Variants in ZNF469 observed in about 807,000 individuals in gnomAD.
The protein encoded by ZNF469 is zinc finger protein 469.
Under a neutral mutation model 1.0 loss-of-function variants are expected in ZNF469, and 1 was observed. That is an observed-to-expected ratio of 1.00 (90% CI 0.35 to 4.73). The LOEUF (loss-of-function observed/expected upper bound fraction) is 4.73. ZNF469 is among the 30% of genes most tolerant of loss of function. ZNF469 has a pLI of 0.16. For synonymous variants in ZNF469, 2,703 were observed against 2,363.4 expected, an observed-to-expected ratio of 1.14 and a Z score of -4.17; for missense variants, 6,100 against 5,356.3, an observed-to-expected ratio of 1.14 and a Z score of -4.33.
chr16:88,436,202 A>G lies in ZNF469; in HGVS notation c.8732A>G (p.Asp2911Gly). The G allele has an allele frequency of 4.5e-6, 7 of 1,548,254 alleles. No individual in the cohort carries two copies. Among genetic ancestry groups the G allele is most frequent in the Non-Finnish European group, 6.1e-6 (7 of 1,146,844 alleles). ...CTGGGCCCAGCCCGCCTGCCCACGGACCTCAGCGACTCCAGCTCCCTCTGC... is the reference window on the plus strand; with the variant it reads ...CTGGGCCCAGCCCGCCTGCCCACGGGCCTCAGCGACTCCAGCTCCCTCTGC... ...PTLGPARLPTDLSDSSSLCLC... is the reference protein window; with the variant it reads ...PTLGPARLPTGLSDSSSLCLC... Residue 2911 changes from aspartate (D) to glycine (G), a missense_variant, in exon 3 of 3, where the codon GAC becomes GGC. Transcript: ENST00000565624.
At chr16:88,127,341 C>T in the ZNF469 span, among the ~76,000 whole-genome samples, 1 of 152,198 alleles carries the variant, frequency 6.6e-6, no homozygotes, top group Non-Finnish European at 1.5e-5. Flanking sequence ...TAATAGAATT[C>T]AGCAACGAAT....
At chr16:88,352,942 A>G in the ZNF469 span, among the ~76,000 whole-genome samples, 1 of 152,050 alleles carries the variant, frequency 6.6e-6, no homozygotes, top group African/African-American at 2.4e-5. Flanking sequence ...GGGGGCAGAG[A>G]GCCAGGCCCA....
At chr16:88,149,818 G>T in the ZNF469 span, among the ~76,000 whole-genome samples, 1 of 152,172 alleles carries the variant, frequency 6.6e-6, no homozygotes, top group African/African-American at 2.4e-5. Flanking sequence ...AAAACAGGCT[G>T]AGGAACTGGT....
At chr16:88,293,836 A>G in the ZNF469 span, among the ~76,000 whole-genome samples, 15 of 152,088 alleles carry the variant, frequency 9.9e-5, no homozygotes, top group Non-Finnish European at 1.9e-4. Context: ...TGGGGCATGG[A>G]GGGGGCTATG....
the ZNF469 span, among the ~76,000 whole-genome samples, chr16:88,144,311 A>G: frequency 0.032 from 4,854 of 152,342 alleles, 100 homozygotes; most frequent in Non-Finnish European, 0.046. Context: ...AACCATGCAC[A>G]GTGTTGGCCA....
the ZNF469 span, among the ~76,000 whole-genome samples, chr16:88,123,324 G>C: frequency 6.6e-6 from 1 of 152,146 alleles, no homozygotes; most frequent in Non-Finnish European, 1.5e-5. Flanking sequence ...ATGCAGTGTT[G>C]CCTCTCAGAA....
the ZNF469 span, among the ~76,000 whole-genome samples, chr16:88,285,476 A>T: frequency 6.6e-6 from 1 of 152,242 alleles, no homozygotes; most frequent in Non-Finnish European, 1.5e-5. Context: ...TCTTCCAGGC[A>T]TTGCCACAGC....
chr16:88,413,425 G>A (rs548375918), intron 1 of ZNF469, among the ~76,000 whole-genome samples: 15 of 152,360 alleles, frequency 9.8e-5, no homozygotes, highest in Middle Eastern at 3.4e-3. Flanking sequence ...CCAGCAGGCC[G>A]AGGCCCGGCG....
intron 1 of ZNF469, among the ~76,000 whole-genome samples, chr16:88,400,478 A>G (rs1428462513): frequency 6.6e-6 from 1 of 152,196 alleles, no homozygotes; most frequent in Non-Finnish European, 1.5e-5. Context: ...ACAGTCCCAG[A>G]GCTGCTGTGG....
chr16:88,330,786 C>T, the ZNF469 span, among the ~76,000 whole-genome samples: 1 of 152,238 alleles, frequency 6.6e-6, no homozygotes, highest in Admixed American at 6.5e-5. Flanking sequence ...CGCATGCTAC[C>T]TGTTTGCCAC....
chr16:88,349,410 A>C, the ZNF469 span, among the ~76,000 whole-genome samples: 1 of 151,578 alleles, frequency 6.6e-6, no homozygotes, highest in African/African-American at 2.4e-5. Context: ...CAGGCACCAC[A>C]CACACCACAC....
chr16:88,397,887 T>G (rs1904736966), intron 1 of ZNF469, among the ~76,000 whole-genome samples: 1 of 152,176 alleles, frequency 6.6e-6, no homozygotes, highest in South Asian at 2.1e-4. Flanking sequence ...AGAGAGGAAC[T>G]CAGCTTTTGC....
chr16:88,239,492 T>TC, the ZNF469 span, among the ~76,000 whole-genome samples: 1 of 130,962 alleles, frequency 7.6e-6, no homozygotes, highest in African/African-American at 3.0e-5. Flanking sequence ...ATGGTCTCTC[T>TC]TTTTTTTTTT....
At chr16:88,246,558 G>T in the ZNF469 span, among the ~76,000 whole-genome samples, 1 of 152,220 alleles carries the variant, frequency 6.6e-6, no homozygotes, top group African/African-American at 2.4e-5. Flanking sequence ...CGCCAAGAGC[G>T]CTTGCTAAAA....
At chr16:88,236,721 G>T in the ZNF469 span, among the ~76,000 whole-genome samples, 1 of 152,182 alleles carries the variant, frequency 6.6e-6, no homozygotes, top group African/African-American at 2.4e-5. Flanking sequence ...ACAAAAATTA[G>T]CCGGGCGTGG....
At chr16:88,267,389 C>T in the ZNF469 span, among the ~76,000 whole-genome samples, 1 of 152,198 alleles carries the variant, frequency 6.6e-6, no homozygotes, top group Non-Finnish European at 1.5e-5. Flanking sequence ...ATTGTCTGCC[C>T]GGGAGCCCGA....
chr16:88,222,080 A>G, the ZNF469 span, among the ~76,000 whole-genome samples: 1 of 152,014 alleles, frequency 6.6e-6, no homozygotes, highest in East Asian at 1.9e-4. Context: ...GCTGAGATCC[A>G]CAGTAAGGAA....
At chr16:88,131,258 A>G in the ZNF469 span, among the ~76,000 whole-genome samples, 1 of 152,246 alleles carries the variant, frequency 6.6e-6, no homozygotes, top group Non-Finnish European at 1.5e-5. Flanking sequence ...TTTCTCAGCC[A>G]GGGACTGTTG....
At chr16:88,212,015 T>C in the ZNF469 span, among the ~76,000 whole-genome samples, 3 of 152,264 alleles carry the variant, frequency 2.0e-5, no homozygotes, top group Non-Finnish European at 4.4e-5. Flanking sequence ...CTTGTAGGGA[T>C]GACTTCTCCA....
Sources: allele counts gnomAD v4.1 joint callset (sites outside exome capture counted in the v4.1 genomes callset), GRCh38; gene constraint gnomAD v4.1.1; transcripts MANE v1.5; gene names NCBI Gene and HGNC (gene_info 2026-07-23, HGNC 2026-07-21).